QTMAN: variants seen among roughly 807,000 people sequenced by gnomAD.
The protein encoded by QTMAN is tRNA-queuosine alpha-mannosyltransferase.
the QTMAN span, among the ~76,000 whole-genome samples, chr2:144,133,275 T>G: frequency 4.3e-4 from 27 of 63,324 alleles, no homozygotes; most frequent in South Asian, 7.5e-4. Flanking sequence ...AAATATATAT[T>G]TATATATACA....
chr2:144,229,523 T>C, the QTMAN span, among the ~76,000 whole-genome samples: 2 of 152,100 alleles, frequency 1.3e-5, no homozygotes, highest in Non-Finnish European at 2.9e-5. Context: ...CAGTGGGTAA[T>C]GTCTAATGCT....
At chr2:144,086,811 T>C in the QTMAN span, among the ~76,000 whole-genome samples, 7 of 152,316 alleles carry the variant, frequency 4.6e-5, no homozygotes, top group Admixed American at 3.9e-4. Context: ...AATGGTGGAA[T>C]AGAAAGAATG....
chr2:144,210,597 G>C, the QTMAN span, among the ~76,000 whole-genome samples: 2 of 152,114 alleles, frequency 1.3e-5, no homozygotes, highest in Non-Finnish European at 2.9e-5. Context: ...TAAGTTCAGA[G>C]TCCCAGCCAT....
the QTMAN span, among the ~76,000 whole-genome samples, chr2:144,199,623 T>C: frequency 4.6e-5 from 7 of 152,036 alleles, no homozygotes; most frequent in African/African-American, 1.5e-4. Flanking sequence ...TCCCCAAAAA[T>C]CTCTAGCTCT....
the QTMAN span, among the ~76,000 whole-genome samples, chr2:144,003,951 T>A: frequency 6.6e-6 from 1 of 152,074 alleles, no homozygotes; most frequent in Non-Finnish European, 1.5e-5. Context: ...GGGCATATTT[T>A]TTTATGATAG....
the QTMAN span, among the ~76,000 whole-genome samples, chr2:144,224,954 G>A: frequency 6.6e-6 from 1 of 152,146 alleles, no homozygotes; most frequent in Non-Finnish European, 1.5e-5. Flanking sequence ...CCAATAGCAA[G>A]TTATACGAAT....
chr2:144,287,762 C>A, the QTMAN span, among the ~76,000 whole-genome samples: 1 of 152,152 alleles, frequency 6.6e-6, no homozygotes, highest in Non-Finnish European at 1.5e-5. Context: ...ACTTTTTGAA[C>A]ATATAGTATA....
chr2:144,172,881 G>A, the QTMAN span, among the ~76,000 whole-genome samples: 29 of 152,168 alleles, frequency 1.9e-4, no homozygotes, highest in East Asian at 1.7e-3. Flanking sequence ...AGGTAGTGGC[G>A]TTGCGGGGTG....
chr2:144,109,192 C>CA, the QTMAN span, among the ~76,000 whole-genome samples: 2 of 152,186 alleles, frequency 1.3e-5, no homozygotes, highest in African/African-American at 4.8e-5. Context: ...GGTACCAAAA[C>CA]AGAGAAATAG....
chr2:144,155,991 A>T, the QTMAN span, among the ~76,000 whole-genome samples: 1 of 152,116 alleles, frequency 6.6e-6, no homozygotes, highest in Non-Finnish European at 1.5e-5. Flanking sequence ...AGTCCTATCT[A>T]CTGATAAAAC....
the QTMAN span, chr2:143,942,116 T>C: frequency 6.4e-6 from 1 of 155,916 alleles, no homozygotes; most frequent in African/African-American, 3.2e-5. Context: ...GTAAATGCAG[T>C]AATAGGAAAG....
the QTMAN span, among the ~76,000 whole-genome samples, chr2:144,034,992 A>C: frequency 6.6e-6 from 1 of 152,194 alleles, no homozygotes; most frequent in East Asian, 1.9e-4. Context: ...ATAGCATGGC[A>C]ACTAATATAG....
the QTMAN span, among the ~76,000 whole-genome samples, chr2:143,960,898 G>A: frequency 2.6e-5 from 4 of 151,992 alleles, no homozygotes; most frequent in African/African-American, 7.2e-5. Flanking sequence ...TTCAGAAAGC[G>A]TCACTAAGTA....
the QTMAN span, among the ~76,000 whole-genome samples, chr2:144,227,052 G>A: frequency 1.9e-3 from 296 of 152,184 alleles, no homozygotes; most frequent in African/African-American, 6.3e-3. Context: ...AAAGCTGCCC[G>A]TCTAAGAATT....
the QTMAN span, among the ~76,000 whole-genome samples, chr2:143,950,572 A>G: frequency 6.6e-6 from 1 of 151,742 alleles, no homozygotes; most frequent in African/African-American, 2.4e-5. Flanking sequence ...AAATTCATCC[A>G]AAGAGGGAAA....
the QTMAN span, among the ~76,000 whole-genome samples, chr2:144,020,256 C>T: frequency 6.6e-6 from 1 of 152,144 alleles, no homozygotes. Flanking sequence ...TGCCTAAATG[C>T]TGCATTTCCC....
chr2:144,164,551 AAATT>A, the QTMAN span, among the ~76,000 whole-genome samples: 1 of 152,136 alleles, frequency 6.6e-6, no homozygotes, highest in Non-Finnish European at 1.5e-5. Context: ...TTACTTATCA[AAATT>A]ATTAGAAAAT....
chr2:144,043,165 G>C, the QTMAN span, among the ~76,000 whole-genome samples: 14 of 151,954 alleles, frequency 9.2e-5, no homozygotes, highest in Non-Finnish European at 1.9e-4. Flanking sequence ...CCGCAGTTTG[G>C]AGTAGTTAAT....
the QTMAN span, among the ~76,000 whole-genome samples, chr2:144,328,288 T>C: frequency 6.6e-6 from 1 of 152,170 alleles, no homozygotes. Context: ...AATTATCGTC[T>C]GTTTAAATGA....
Sources: gnomAD v4.1 joint callset for allele counts (sites outside exome capture counted in the v4.1 genomes callset) on GRCh38, gnomAD v4.1.1 for gene constraint, MANE v1.5 for transcripts, NCBI Gene and HGNC (gene_info 2026-07-23, HGNC 2026-07-21) for gene names.